The following GALNT10 variants were observed in gnomAD, a reference collection of about 807,000 sequenced individuals.
GALNT10 encodes polypeptide N-acetylgalactosaminyltransferase 10.
A neutral mutation model predicts 75.0 loss-of-function variants in GALNT10; 41 were observed. That is an observed-to-expected ratio of 0.55 (90% CI 0.43 to 0.71). The LOEUF is 0.71. GALNT10 is among the 30% of genes least tolerant of loss of function. The pLI, the probability that GALNT10 is intolerant of heterozygous loss-of-function variation, is 0.00. For missense variants in GALNT10, 727 were observed against 818.5 expected (o/e 0.89, Z 1.36); for synonymous variants, 302 against 313.0 (o/e 0.96, Z 0.37).
chr5:154,245,501 G>T (rs987286), intron 1 of GALNT10, among the ~76,000 whole-genome samples: 4,427 of 151,436 alleles, frequency 0.029, 161 homozygotes, highest in East Asian at 0.089. Flanking sequence ...TCAGGTCACA[G>T]TGAATGAGTC....
intron 4 of GALNT10, among the ~76,000 whole-genome samples, chr5:154,341,511 C>CT (rs1420281021): frequency 6.6e-5 from 10 of 152,004 alleles, no homozygotes; most frequent in Admixed American, 1.3e-4. Context: ...CAGAAATTGT[C>CT]TTTTTTTTCC....
chr5:154,284,895 A>G (rs1754089772), intron 1 of GALNT10, among the ~76,000 whole-genome samples: 1 of 152,218 alleles, frequency 6.6e-6, no homozygotes, highest in Non-Finnish European at 1.5e-5. Flanking sequence ...CAGTTTTGTC[A>G]TCTACAAAGT....
At chr5:154,392,624 T>C (rs1419432656) in intron 7 of GALNT10, 2 of 152,208 alleles carry the variant, frequency 1.3e-5, no homozygotes, top group Non-Finnish European at 2.9e-5. Flanking sequence ...TACACAGATA[T>C]GAGGGGTTGT....
intron 1 of GALNT10, among the ~76,000 whole-genome samples, chr5:154,285,402 A>G (rs1284623196): frequency 6.6e-6 from 1 of 152,186 alleles, no homozygotes. Context: ...GACAGTATTG[A>G]AACTTAAAAG....
At chr5:154,271,535 GCTTT>G (rs969450745) in intron 1 of GALNT10, among the ~76,000 whole-genome samples, 3 of 152,176 alleles carry the variant, frequency 2.0e-5, no homozygotes, top group African/African-American at 7.2e-5. Flanking sequence ...CTGCATTCAA[GCTTT>G]CTAAGTCCAA....
chr5:154,192,104 G>A (rs1237610558), intron 1 of GALNT10, among the ~76,000 whole-genome samples: 1 of 152,206 alleles, frequency 6.6e-6, no homozygotes, highest in Admixed American at 6.5e-5. Flanking sequence ...GTGTATCAGG[G>A]TCAGACTTGA....
chr5:154,262,453 C>T (rs1219420512), intron 1 of GALNT10, among the ~76,000 whole-genome samples: 1 of 152,124 alleles, frequency 6.6e-6, no homozygotes, highest in Non-Finnish European at 1.5e-5. Flanking sequence ...GTGCTACACC[C>T]CATTGTAGTT....
rs1467832931 is a variant in GALNT10 at position 154,416,133 on chromosome 5, T to C, written c.1653+201T>C. 6.6e-6 allele frequency among the ~76,000 whole-genome samples: 1 copy of C among 152,174 alleles called. No individual in the cohort carries two copies. Among genetic ancestry groups the C allele is most frequent in the Non-Finnish European group, 1.5e-5 (1 of 68,038 alleles). ...TCCTCAAGTCTTAAATGTTGGCAACTGATTCCATTTAAAAAGAAAAGTGCA... is the reference window on the plus strand; with the variant it reads ...TCCTCAAGTCTTAAATGTTGGCAACCGATTCCATTTAAAAAGAAAAGTGCA... On this transcript the variant is annotated intron_variant, in intron 11 of 11. Transcript: ENST00000297107. The surrounding 1 kb of genome is among the most constrained non-coding windows in gnomAD (Gnocchi z 4.5).
intron 7 of GALNT10, among the ~76,000 whole-genome samples, chr5:154,393,457 C>A (rs767147008): frequency 6.6e-6 from 1 of 152,148 alleles, no homozygotes; most frequent in East Asian, 1.9e-4. Context: ...AAAGTACAGC[C>A]GTCTCTTTCT....
At chr5:154,214,592 A>G (rs1752835902) in intron 1 of GALNT10, among the ~76,000 whole-genome samples, 1 of 152,212 alleles carries the variant, frequency 6.6e-6, no homozygotes, top group African/African-American at 2.4e-5. Flanking sequence ...GATATGCATG[A>G]ACCATTTTTT....
At chr5:154,350,122 T>A (rs1051850876) in intron 4 of GALNT10, among the ~76,000 whole-genome samples, 1 of 152,238 alleles carries the variant, frequency 6.6e-6, no homozygotes, top group African/African-American at 2.4e-5. Context: ...ATTTAGTCCC[T>A]GGCTGCTCTG....
intron 1 of GALNT10, among the ~76,000 whole-genome samples, chr5:154,194,571 G>T (rs112307511): frequency 2.0e-5 from 3 of 152,292 alleles, no homozygotes; most frequent in African/African-American, 4.8e-5. Flanking sequence ...GAAGGCCTGG[G>T]AACAGAGACC....
chr5:154,403,177 C>T (rs1756204202), intron 7 of GALNT10, among the ~76,000 whole-genome samples: 1 of 152,162 alleles, frequency 6.6e-6, no homozygotes, highest in Non-Finnish European at 1.5e-5. Flanking sequence ...GTGGCTGAGC[C>T]AGGATTCAAA....
intron 4 of GALNT10, among the ~76,000 whole-genome samples, chr5:154,365,863 C>A (rs1174256088): frequency 6.6e-6 from 1 of 152,192 alleles, no homozygotes; most frequent in Non-Finnish European, 1.5e-5. Flanking sequence ...CTCCTCTTCA[C>A]TTGTTGTCAG....
chr5:154,269,079 G>A (rs1249510211), intron 1 of GALNT10, among the ~76,000 whole-genome samples: 4 of 90,658 alleles, frequency 4.4e-5, no homozygotes, highest in East Asian at 2.4e-4. Flanking sequence ...TCCACTTCCC[G>A]GGTTCAGGTG....
At chr5:154,396,858 G>T (rs1756027329) in intron 7 of GALNT10, among the ~76,000 whole-genome samples, 1 of 152,142 alleles carries the variant, frequency 6.6e-6, no homozygotes, top group African/African-American at 2.4e-5. Context: ...TGGGCGCGGT[G>T]GCTCACACCT....
At chr5:154,312,317 A>C (rs1250998102) in intron 3 of GALNT10, among the ~76,000 whole-genome samples, 1 of 152,040 alleles carries the variant, frequency 6.6e-6, no homozygotes, top group East Asian at 1.9e-4. Context: ...CTCCTTCTCC[A>C]CACCTTTCAG....
At chr5:154,373,672 C>T (rs1159284768) in intron 4 of GALNT10, among the ~76,000 whole-genome samples, 2 of 152,128 alleles carry the variant, frequency 1.3e-5, no homozygotes, top group Non-Finnish European at 2.9e-5. Flanking sequence ...AGCTCTAAAA[C>T]TCTATGCCTT....
At chr5:154,331,887 A>G (rs1034786367) in intron 4 of GALNT10, among the ~76,000 whole-genome samples, 3 of 152,136 alleles carry the variant, frequency 2.0e-5, no homozygotes, top group African/African-American at 7.2e-5. Flanking sequence ...TGCCAGGCCC[A>G]TATATTCTCT....
Sources: gnomAD v4.1 joint callset for allele counts (sites outside exome capture counted in the v4.1 genomes callset) on GRCh38, gnomAD v4.1.1 for gene constraint, Gnocchi (gnomAD v3.1) non-coding constraint, MANE v1.5 for transcripts, NCBI Gene and HGNC (gene_info 2026-07-23, HGNC 2026-07-21) for gene names.